Variants in RUFY3 observed in about 807,000 individuals in gnomAD.
The protein encoded by RUFY3 is protein RUFY3.
Under a neutral mutation model 84.0 loss-of-function variants are expected in RUFY3, and 34 were observed. The observed-to-expected ratio is 0.40, with a 90% confidence interval of 0.31 to 0.54. RUFY3 has a LOEUF of 0.54. RUFY3 is among the 20% of genes least tolerant of loss of function. The pLI is 0.39. For synonymous variants in RUFY3, 242 were observed against 252.9 expected (o/e 0.96, Z 0.41); for missense variants, 507 against 736.8 (o/e 0.69, Z 3.61).
At chr4:70,747,821 C>T (rs1384205155) in intron 1 of RUFY3, among the ~76,000 whole-genome samples, 1 of 152,140 alleles carries the variant, frequency 6.6e-6, no homozygotes, top group Non-Finnish European at 1.5e-5. Flanking sequence ...CCAAGTCCAG[C>T]CTGGGCAACA....
chr4:70,796,926 TTTTTCTTTTC>T (rs375903338), intron 14 of RUFY3, among the ~76,000 whole-genome samples: 1,698 of 151,190 alleles, frequency 0.011, 29 homozygotes, highest in African/African-American at 0.038. Flanking sequence ...TAGGGGCTCT[TTTTTCTTTTC>T]TTTTCTTTTC....
chr4:70,746,341 A>T (rs1307854522), intron 1 of RUFY3, among the ~76,000 whole-genome samples: 1 of 107,332 alleles, frequency 9.3e-6, no homozygotes, highest in African/African-American at 5.6e-5. Context: ...AAGACTCCTT[A>T]AAAAAAAAAA....
chr4:70,736,045 C>T (rs1328172121), intron 1 of RUFY3, among the ~76,000 whole-genome samples: 3 of 150,998 alleles, frequency 2.0e-5, no homozygotes, highest in Non-Finnish European at 4.4e-5. Context: ...ACTCAGGAGG[C>T]TGACGTGGGA....
chr4:70,761,531 T>C (rs1725038245), intron 1 of RUFY3, among the ~76,000 whole-genome samples: 1 of 152,210 alleles, frequency 6.6e-6, no homozygotes, highest in South Asian at 2.1e-4. Flanking sequence ...CTCATTTTCC[T>C]TCCCTGTAAA....
intron 15 of RUFY3, among the ~76,000 whole-genome samples, chr4:70,800,801 G>C (rs1341749344): frequency 6.6e-6 from 1 of 152,146 alleles, no homozygotes; most frequent in Non-Finnish European, 1.5e-5. Context: ...AGAATCACTT[G>C]AACTCAGGAG....
chr4:70,747,890 T>C (rs1722489893), intron 1 of RUFY3, among the ~76,000 whole-genome samples: 1 of 152,196 alleles, frequency 6.6e-6, no homozygotes, highest in East Asian at 1.9e-4. Context: ...AAATATCCTT[T>C]ATGATATCCA....
intron 17 of RUFY3, among the ~76,000 whole-genome samples, chr4:70,805,435 T>G (rs958002971): frequency 2.0e-5 from 3 of 152,190 alleles, no homozygotes; most frequent in African/African-American, 7.2e-5. Flanking sequence ...CAATCCATAG[T>G]AGATCCTCAA....
intron 7 of RUFY3, among the ~76,000 whole-genome samples, chr4:70,776,125 G>C (rs1232392254): frequency 6.6e-6 from 1 of 152,026 alleles, no homozygotes; most frequent in Non-Finnish European, 1.5e-5. Context: ...TACATTCTAA[G>C]ACCCCCAAAG....
At chr4:70,754,528 A>T (rs948879314) in intron 1 of RUFY3, among the ~76,000 whole-genome samples, 3 of 144,306 alleles carry the variant, frequency 2.1e-5, no homozygotes, top group Admixed American at 6.9e-5. Context: ...CTCTATTATA[A>T]TTTTTTTTTT....
chr4:70,759,906 G>A (rs988680654), intron 1 of RUFY3, among the ~76,000 whole-genome samples: 4 of 152,148 alleles, frequency 2.6e-5, no homozygotes, highest in Non-Finnish European at 5.9e-5. Flanking sequence ...AGTTGTCAGT[G>A]CTACTGACAT....
At chr4:70,740,622 G>A (rs1721181840) in intron 1 of RUFY3, among the ~76,000 whole-genome samples, 1 of 152,154 alleles carries the variant, frequency 6.6e-6, no homozygotes, top group South Asian at 2.1e-4. Context: ...AATGTGGATG[G>A]TAAGAGTCCA....
At chr4:70,792,861 A>C in intron 12 of RUFY3, 1 of 985,380 alleles carries the variant, frequency 1.0e-6, no homozygotes, top group Non-Finnish European at 1.2e-6. Flanking sequence ...TTTAATTCTT[A>C]TAATTTGCAC....
chr4:70,716,056 A>G lies in RUFY3; in HGVS notation c.358+10762A>G, dbSNP rs551462482. ...TTGAACCCGGCAGGTGGAGGTTGCA[A>G]TGAGCCGAGATCGTGCCACTGCACT... On this transcript the variant is annotated intron_variant, in intron 1 of 11. Transcript: ENST00000417478. Among the ~76,000 whole-genome samples, 193 of 151,890 alleles carry G rather than the reference A, an allele frequency of 1.3e-3. 1 individual carries two copies. Among genetic ancestry groups the G allele is most frequent in the Middle Eastern group, 6.8e-3 (2 of 294 alleles).
rs962949133 is a variant in RUFY3, at chr4:70,807,475, A to C, written c.*816A>C. Among the ~76,000 whole-genome samples the C allele has an allele frequency of 6.6e-6, 1 of 152,186 alleles. No individual in the cohort carries two copies. The highest frequency in any genetic ancestry group is 1.5e-5 in the Non-Finnish European group (1 of 68,024). On this transcript the variant is annotated 3_prime_UTR_variant, in exon 18 of 18. Transcript: ENST00000381006. ...TTTAAAAATAGGGTTTGGCTTTTGC[A>C]AATAGAAGATATTGATTAAAGCAAA...
At chr4:70,705,146 C>G (rs761951356) in exon 1 of RUFY3, 11 of 1,456,342 alleles carry the variant, frequency 7.6e-6, no homozygotes, top group South Asian at 6.6e-5. Flanking sequence ...TGCTGTACCC[C>G]GGCGATGGAG....
chr4:70,755,050 C>T (rs1271647708), intron 1 of RUFY3, among the ~76,000 whole-genome samples: 3 of 152,150 alleles, frequency 2.0e-5, no homozygotes, highest in South Asian at 2.1e-4. Context: ...ATTACAGGCG[C>T]CTGCCACCAT....
intron 1 of RUFY3, among the ~76,000 whole-genome samples, chr4:70,760,386 T>C (rs1724817621): frequency 6.6e-6 from 1 of 152,178 alleles, no homozygotes; most frequent in South Asian, 2.1e-4. Flanking sequence ...TTAATCTTGT[T>C]ATAAGTTCCT....
chr4:70,744,498 G>A (rs527520191), intron 1 of RUFY3, among the ~76,000 whole-genome samples: 4 of 152,032 alleles, frequency 2.6e-5, no homozygotes, highest in Non-Finnish European at 2.9e-5. Context: ...ACCGAACCCG[G>A]CTATAGTTTG....
chr4:70,749,570 A>G (rs1722791086), intron 1 of RUFY3, among the ~76,000 whole-genome samples: 1 of 149,776 alleles, frequency 6.7e-6, no homozygotes, highest in African/African-American at 2.5e-5. Context: ...AAACTACACT[A>G]GTTTCTTCTT....
Sources: allele counts gnomAD v4.1 joint callset (sites outside exome capture counted in the v4.1 genomes callset), GRCh38; gene constraint gnomAD v4.1.1; transcripts MANE v1.5; gene names NCBI Gene and HGNC (gene_info 2026-07-23, HGNC 2026-07-21).